CD58: variants seen among roughly 807,000 people sequenced by gnomAD.
CD58 encodes CD58 molecule.
A neutral mutation model predicts 27.6 loss-of-function variants in CD58; 14 were observed. The ratio of observed to expected loss-of-function variants is 0.51; its 90% CI spans 0.34 to 0.79. The LOEUF (loss-of-function observed/expected upper bound fraction) is 0.79. Ranked by LOEUF, CD58 falls within the 30% of genes least tolerant of loss-of-function variation. CD58 has a pLI of 0.02. For synonymous variants in CD58, 117 were observed against 103.8 expected, an observed-to-expected ratio of 1.13 and a Z score of -0.77; for missense variants, 268 against 301.7, an observed-to-expected ratio of 0.89 and a Z score of 0.83.
intron 1 of CD58, among the ~76,000 whole-genome samples, chr1:116,561,417 T>C (rs144049506): frequency 7.9e-5 from 12 of 152,324 alleles, no homozygotes; most frequent in Non-Finnish European, 1.6e-4. Flanking sequence ...ATTGAGATTA[T>C]GCAAAAGTGT....
At position 116,519,416 on chromosome 1, in the gene CD58, A is replaced by C; in HGVS notation, c.707-149T>G. 1.4e-6 allele frequency: 1 copy of C among 732,992 alleles called. No homozygotes were observed. The highest frequency in any genetic ancestry group is 2.4e-6 in the Non-Finnish European group (1 of 421,136). 45.4% of individuals were successfully genotyped at this position (732,992 alleles called of 1,614,324 possible). ...ATTTCCTGCTATCCTATATGCTTTA[A>C]ATCAAATCGGCTACAGAGCTGGTCC... On this transcript the variant is annotated intron_variant, in intron 4 of 5. Transcript: ENST00000369489. The surrounding 1 kb of genome is among the most constrained non-coding windows in gnomAD (Gnocchi z 4.7).
At chr1:116,569,734 T>C (rs1659059659) in intron 1 of CD58, among the ~76,000 whole-genome samples, 1 of 151,756 alleles carries the variant, frequency 6.6e-6, no homozygotes, top group Non-Finnish European at 1.5e-5. Context: ...TCCGAGTAGC[T>C]GGGACTATAG....
At chr1:116,566,593 T>C (rs923809132) in intron 1 of CD58, among the ~76,000 whole-genome samples, 5 of 152,224 alleles carry the variant, frequency 3.3e-5, no homozygotes, top group Non-Finnish European at 7.3e-5. Context: ...AACATCTTTC[T>C]GTGCCAGAAA....
In CD58 at chr1:116,534,851, T is replaced by C. The variant is rs1657739198; in HGVS notation, c.628+1114A>G. 1.3e-5 allele frequency among the ~76,000 whole-genome samples: 2 copies of C among 152,338 alleles called. No homozygotes were observed. Among genetic ancestry groups the C allele is most frequent in the South Asian group, 4.1e-4 (2 of 4,828 alleles). On this transcript the variant is annotated intron_variant, in intron 3 of 5. Coordinates refer to ENST00000369489, the MANE Select transcript of CD58 (RefSeq NM_001779.3). The surrounding 1 kb of genome is among the most constrained non-coding windows in gnomAD (Gnocchi z 5.3). ...ATCCAAGTTTCATATATTTCTTGTA[T>C]TTGCTAATTTCCCTTATCTGTTTCA...
Position 116,532,399 on chromosome 1 carries a change from G to A in CD58, c.628+3566C>T, listed in dbSNP as rs1352408938. On this transcript the variant is annotated intron_variant, in intron 3 of 5. Coordinates refer to ENST00000369489, the MANE Select transcript of CD58 (RefSeq NM_001779.3). This position sits in a 1 kb window ranked among gnomAD's most constrained non-coding sequence, Gnocchi z 5.1. ...AGATCAAAAAGCAACATCCTAAGGA[G>A]AATACGGCCCTACTCTACACGGCCC... Among the ~76,000 whole-genome samples the A allele has an allele frequency of 6.6e-6, 1 of 152,230 alleles. No homozygotes were observed. The highest frequency in any genetic ancestry group is 1.5e-5 in the Non-Finnish European group (1 of 68,040).
At chr1:116,565,719 G>GT (rs1230495315) in intron 1 of CD58, among the ~76,000 whole-genome samples, 12 of 147,908 alleles carry the variant, frequency 8.1e-5, no homozygotes, top group African/African-American at 3.0e-4. Flanking sequence ...GTTTTGTTTT[G>GT]TTTTTTTGTT....
chr1:116,536,439 G>A lies in CD58; in HGVS notation c.365-211C>T, dbSNP rs1453259963. Among the ~76,000 whole-genome samples the A allele has an allele frequency of 1.3e-5, 2 of 152,092 alleles. No homozygotes were observed. Among genetic ancestry groups the A allele is most frequent in the Non-Finnish European group, 2.9e-5 (2 of 68,012 alleles). ...ATAAATTCAGACCCTGATATGGTTT[G>A]GCTCTGGGTCCTCACCCAAATCTCA... On this transcript the variant is annotated intron_variant, in intron 2 of 5. Coordinates refer to ENST00000369489, the MANE Select transcript of CD58 (RefSeq NM_001779.3). The surrounding 1 kb of genome is among the most constrained non-coding windows in gnomAD (Gnocchi z 5.4).
In CD58 at chr1:116,519,755, C is replaced by T. The variant is rs558705906; in HGVS notation, c.707-488G>A. ...ATGAGATATTTTATATTCTTTCACA[C>T]ACGGTCTTAGAAACATATTATTTTA... On this transcript the variant is annotated intron_variant, in intron 4 of 5. Coordinates refer to ENST00000369489, the MANE Select transcript of CD58 (RefSeq NM_001779.3). The surrounding 1 kb of genome is among the most constrained non-coding windows in gnomAD (Gnocchi z 4.7). Among the ~76,000 whole-genome samples, 1 of 152,290 alleles carries T rather than the reference C, an allele frequency of 6.6e-6. No individual in the cohort carries two copies. Among genetic ancestry groups the T allele is most frequent in the Admixed American group, 6.5e-5 (1 of 15,308 alleles).
chr1:116,544,940 T>G (rs1658114172), intron 1 of CD58, among the ~76,000 whole-genome samples: 1 of 152,092 alleles, frequency 6.6e-6, no homozygotes, highest in Admixed American at 6.6e-5. Context: ...AGCTGCCTGG[T>G]CTAGGGCCTC....
rs1657480341 is a variant in CD58, at chr1:116,527,972, A to G, written c.629-5989T>C. Among the ~76,000 whole-genome samples, 1 of 152,226 alleles carries G rather than the reference A, an allele frequency of 6.6e-6. No individual in the cohort carries two copies. The highest frequency in any genetic ancestry group is 6.5e-5 in the Admixed American group (1 of 15,286). On this transcript the variant is annotated intron_variant, in intron 3 of 5. Transcript: ENST00000369489. This position sits in a 1 kb window ranked among gnomAD's most constrained non-coding sequence, Gnocchi z 4.4. ...GAGATAGGGTCTCCCTATGTTGCCC[A>G]GGCTGGTCTCGAACTCTCAGCCTCA...
Position 116,548,854 on chromosome 1 carries a change from G to A in CD58, c.71-4250C>T, listed in dbSNP as rs370553604. Among the ~76,000 whole-genome samples, 94 of 152,260 alleles carry A rather than the reference G, an allele frequency of 6.2e-4. 1 individual carries two copies. In the South Asian group the frequency reaches 0.016, roughly 27 times the overall value. ...TTTTATTGAATGCTTACTCTCTGCT[G>A]GTTATATGTTCACATTGTCTTGTAT... On this transcript the variant is annotated intron_variant, in intron 1 of 5. Transcript: ENST00000369489.
intron 1 of CD58, among the ~76,000 whole-genome samples, chr1:116,568,676 A>C (rs1659026418): frequency 6.6e-6 from 1 of 152,228 alleles, no homozygotes; most frequent in African/African-American, 2.4e-5. Flanking sequence ...CTCAGTAAAT[A>C]TTTATTGCAT....
At chr1:116,526,517 T>C (rs115426238) in intron 3 of CD58, among the ~76,000 whole-genome samples, 2,889 of 152,350 alleles carry the variant, frequency 0.019, 120 homozygotes, top group African/African-American at 0.066. Context: ...GGTTTATTTC[T>C]GGGCTCTCTA....
chr1:116,560,055 T>C lies in CD58; in HGVS notation c.70+10848A>G, dbSNP rs1658707351. ...GGTTAGTGCAAAAGTAATTGCCGGTTTTTGCCATTAAAAAAAAATAGCAAA... is the reference window on the plus strand; with the variant it reads ...GGTTAGTGCAAAAGTAATTGCCGGTCTTTGCCATTAAAAAAAAATAGCAAA... On this transcript the variant is annotated intron_variant, in intron 1 of 5. Coordinates refer to ENST00000369489, the MANE Select transcript of CD58 (RefSeq NM_001779.3). The C allele has an allele frequency of 2.0e-5, 3 of 153,482 alleles. 1 individual carries two copies. The highest frequency in any genetic ancestry group is 5.9e-4 in the Middle Eastern group (1 of 1,690). 9.5% of individuals were successfully genotyped at this position (153,482 alleles called of 1,614,324 possible). A position where few individuals can be genotyped will look rare whatever the true frequency, so the allele number is the denominator to read the frequency against.
At chr1:116,551,607 T>C (rs1458430204) in intron 1 of CD58, among the ~76,000 whole-genome samples, 1 of 152,240 alleles carries the variant, frequency 6.6e-6, no homozygotes, top group South Asian at 2.1e-4. Context: ...CACTTTCTTA[T>C]TTATGTGTTC....
chr1:116,518,759 G>A (rs1317095419), intron 5 of CD58: 2 of 995,890 alleles, frequency 2.0e-6, no homozygotes, highest in African/African-American at 1.7e-5. Flanking sequence ...TCTTTTATAT[G>A]TGACTACAGG....
chr1:116,537,930 T>C (rs1412665562), intron 2 of CD58, among the ~76,000 whole-genome samples: 1 of 152,232 alleles, frequency 6.6e-6, no homozygotes, highest in Non-Finnish European at 1.5e-5. Flanking sequence ...TGGAATACTA[T>C]GTTGTCATTT....
In CD58 at chr1:116,538,545, A is replaced by C. The variant is rs570133132; in HGVS notation, c.365-2317T>G. 6.6e-6 allele frequency among the ~76,000 whole-genome samples: 1 copy of C among 152,328 alleles called. No homozygotes were observed. Among genetic ancestry groups the C allele is most frequent in the Non-Finnish European group, 1.5e-5 (1 of 68,032 alleles). On this transcript the variant is annotated intron_variant, in intron 2 of 5. Transcript: ENST00000369489. The surrounding 1 kb of genome is among the most constrained non-coding windows in gnomAD (Gnocchi z 4.7). The stretch of plus-strand genomic sequence containing the variant: ...CATTTCTCAAATTTTAAGGTGCCTA[A>C]GAATCACCAAGGGTGCTTGTTAAAA...
chr1:116,532,656 G>A lies in CD58; in HGVS notation c.628+3309C>T, dbSNP rs933644438. ...CCAATGGGGTCTATGGGGCCCTCCCGCAGGGAAGGGTCCAGGCAAGTCCAG... is the reference window on the plus strand; with the variant it reads ...CCAATGGGGTCTATGGGGCCCTCCCACAGGGAAGGGTCCAGGCAAGTCCAG... On this transcript the variant is annotated intron_variant, in intron 3 of 5. Transcript: ENST00000369489. The surrounding 1 kb of genome is among the most constrained non-coding windows in gnomAD (Gnocchi z 5.1). Among the ~76,000 whole-genome samples, 2 of 141,562 alleles carry A rather than the reference G, an allele frequency of 1.4e-5. No individual in the cohort carries two copies. The highest frequency in any genetic ancestry group is 5.0e-5 in the African/African-American group (2 of 39,808). 92.9% of individuals were successfully genotyped at this position (141,562 alleles called of 152,430 possible). A position where few individuals can be genotyped will look rare whatever the true frequency, so the allele number is the denominator to read the frequency against.
Sources: gnomAD v4.1 joint callset for allele counts (sites outside exome capture counted in the v4.1 genomes callset) on GRCh38, gnomAD v4.1.1 for gene constraint, Gnocchi (gnomAD v3.1) non-coding constraint, MANE v1.5 for transcripts, NCBI Gene and HGNC (gene_info 2026-07-23, HGNC 2026-07-21) for gene names.